Variants in PPP2R1B observed in about 807,000 individuals in gnomAD.
PPP2R1B encodes protein phosphatase 2 scaffold subunit Abeta.
Under a neutral mutation model 72.7 loss-of-function variants are expected in PPP2R1B, and 58 were observed. That is an observed-to-expected ratio of 0.80 (90% confidence interval 0.65 to 0.99). The LOEUF is 0.99. Among genes scored for constraint, PPP2R1B ranks in the 50% least tolerant of loss-of-function variants. PPP2R1B has a pLI of 0.00. For missense variants in PPP2R1B, 695 were observed against 733.6 expected, an observed-to-expected ratio of 0.95 and a Z score of 0.61; for synonymous variants, 256 against 264.6, an observed-to-expected ratio of 0.97 and a Z score of 0.32.
At chr11:111,742,303 A>AATGATAAG in intron 13 of PPP2R1B, 159 bp from the exon 14 acceptor site, 1 of 606,246 alleles carries the variant, frequency 1.6e-6, no homozygotes, top group Non-Finnish European at 2.5e-6. Context: ...AGAAATTCTC[A>AATGATAAG]GCAAAATCAG....
At chr11:111,724,263 T>A, downstream of PPP2R1B, 1 of 1,283,896 alleles carries the variant, frequency 7.8e-7, no homozygotes. Flanking sequence ...CCAACTGGAA[T>A]CAGAGGGTCT....
downstream of PPP2R1B, chr11:111,722,815 T>A: frequency 6.8e-7 from 1 of 1,468,150 alleles, no homozygotes; most frequent in Non-Finnish European, 9.5e-7. This position sits in a 1 kb window ranked among gnomAD's most constrained non-coding sequence, Gnocchi z 4.4. Flanking sequence ...TTGAGAACAC[T>A]GAATGTGTTG....
chr11:111,707,874 C>G, the PPP2R1B span, among the ~76,000 whole-genome samples: 1 of 152,180 alleles, frequency 6.6e-6, no homozygotes, highest in African/African-American at 2.4e-5. Flanking sequence ...TCGGGCAAGT[C>G]AGCGTCTCTG....
intron 10 of PPP2R1B, among the ~76,000 whole-genome samples, chr11:111,749,437 C>T (rs1396074855): frequency 4.6e-5 from 7 of 152,038 alleles, no homozygotes; most frequent in Middle Eastern, 3.4e-3. Context: ...CAGGCACCCA[C>T]CACCACACCC....
downstream of PPP2R1B, chr11:111,737,583 C>G (rs1222329051): frequency 1.2e-6 from 2 of 1,614,066 alleles, no homozygotes; most frequent in East Asian, 2.2e-5. Flanking sequence ...GAGACACAGA[C>G]AGTGGCGCTG....
chr11:111,746,206 A>C (rs1404084762), intron 11 of PPP2R1B, among the ~76,000 whole-genome samples: 1 of 152,236 alleles, frequency 6.6e-6, no homozygotes. Flanking sequence ...AAAGCATAGA[A>C]TGACTTGAGG....
chr11:111,755,258 G>C lies in PPP2R1B; in HGVS notation c.843+37C>G. 4 of 1,572,606 alleles carry C rather than the reference G, an allele frequency of 2.5e-6. 1 individual carries two copies. The Middle Eastern group carries it at 5.1e-4, about 202-fold the overall frequency. The stretch of plus-strand genomic sequence containing the variant: ...ACAACAGCAAATCTATGTGTTTTCA[G>C]GTTTATTTCCTTAGTACTTAAAAAT... On this transcript the variant is annotated intron_variant, in intron 6 of 14. Transcript: ENST00000527614.
At chr11:111,695,768 G>C in the PPP2R1B span, among the ~76,000 whole-genome samples, 1 of 152,142 alleles carries the variant, frequency 6.6e-6, no homozygotes, top group Non-Finnish European at 1.5e-5. Flanking sequence ...CCAACAAACA[G>C]AATTCTCCAT....
chr11:111,760,003 CT>C lies in PPP2R1B; in HGVS notation c.540-53del, dbSNP rs782150868. On this transcript the variant is annotated intron_variant, in intron 4 of 14. Coordinates refer to ENST00000527614, the MANE Select transcript of PPP2R1B (RefSeq NM_002716.5). ...TCCCATCAAATAACACTGAATAAAC[CT>C]GCCCCCCATACACACAGACAGACTT... 7.7e-4 allele frequency: 1,212 copies of C among 1,569,262 alleles called. 20 individuals are homozygous for C. The highest frequency in any genetic ancestry group is 1.4e-4 in the Non-Finnish European group (161 of 1,148,590).
Position 111,738,153 on chromosome 11 carries a change from C to CA in PPP2R1B, c.*3442dup. The CA allele has an allele frequency of 1.0e-6, 1 of 987,142 alleles. No individual in the cohort carries two copies. The highest frequency in any genetic ancestry group is 1.2e-6 in the Non-Finnish European group (1 of 830,984). The allele number at this position is 987,142 out of a possible 1,614,324, so 61.1% of individuals were successfully genotyped here. A position where few individuals can be genotyped will look rare whatever the true frequency, so the allele number is the denominator to read the frequency against. ...GGAATACTGGAGAATCAAAGGGAAACAGTTACATCACATCAGACTGCAGTC... is the reference window on the plus strand; with the variant it reads ...GGAATACTGGAGAATCAAAGGGAAACAAGTTACATCACATCAGACTGCAGTC... On this transcript the variant is annotated 3_prime_UTR_variant, in exon 15 of 15. Coordinates refer to ENST00000527614, the MANE Select transcript of PPP2R1B (RefSeq NM_002716.5).
the PPP2R1B span, chr11:111,712,318 A>T: frequency 3.1e-6 from 5 of 1,614,200 alleles, no homozygotes; most frequent in Non-Finnish European, 4.2e-6. Context: ...CATTTCCAGC[A>T]TCTGGCTGTC....
At position 111,740,061 on chromosome 11, in the gene PPP2R1B, T is replaced by C. The variant is rs1028992754; in HGVS notation, c.*1535A>G. ...GGGCCTTCACTAAACAGAACAGGAC[T>C]TGTTAGATTTAAAAGAGGTTGTGAA... On this transcript the variant is annotated 3_prime_UTR_variant, in exon 15 of 15. Coordinates refer to ENST00000527614, the MANE Select transcript of PPP2R1B (RefSeq NM_002716.5). 9.1e-6 allele frequency: 9 copies of C among 985,266 alleles called. No individual in the cohort carries two copies. In the Admixed American group the frequency reaches 4.9e-4, roughly 54 times the overall value. 61.0% of individuals were successfully genotyped at this position (985,266 alleles called of 1,614,324 possible).
the PPP2R1B span, among the ~76,000 whole-genome samples, chr11:111,692,065 G>C: frequency 2.0e-5 from 3 of 152,006 alleles, no homozygotes; most frequent in Non-Finnish European, 4.4e-5. Context: ...AAGAAAGAGG[G>C]AGAGGCCAGG....
At chr11:111,754,463 A>T (rs201085295) in intron 8 of PPP2R1B, 36 bp downstream of exon 8, 529 of 1,583,426 alleles carry the variant, frequency 3.3e-4, no homozygotes, top group Admixed American at 5.4e-4. Context: ...TTACCTTCAT[A>T]TAAAAGAGAG....
the PPP2R1B span, among the ~76,000 whole-genome samples, chr11:111,710,842 A>G: frequency 6.6e-6 from 1 of 152,190 alleles, no homozygotes; most frequent in Non-Finnish European, 1.5e-5. Context: ...CTAGAATCTC[A>G]TACCATTTTG....
chr11:111,716,407 A>G, the PPP2R1B span, among the ~76,000 whole-genome samples: 18 of 139,980 alleles, frequency 1.3e-4, no homozygotes, highest in Non-Finnish European at 1.3e-4. Flanking sequence ...CAAAACCCCA[A>G]CTCTACTAAA....
the PPP2R1B span, among the ~76,000 whole-genome samples, chr11:111,717,616 C>G: frequency 6.6e-6 from 1 of 152,148 alleles, no homozygotes; most frequent in East Asian, 1.9e-4. Context: ...GAATGTAAAT[C>G]ATTCTATTAT....
At position 111,741,623 on chromosome 11, in the gene PPP2R1B, C is replaced by T; in HGVS notation, c.1790-11G>A. 3 of 1,613,174 alleles carry T rather than the reference C, an allele frequency of 1.9e-6. No individual in the cohort carries two copies. Among genetic ancestry groups the T allele is most frequent in the Non-Finnish European group, 2.5e-6 (3 of 1,179,798 alleles). On this transcript the variant is annotated splice_polypyrimidine_tract_variant and intron_variant, in intron 14 of 14. Coordinates refer to ENST00000527614, the MANE Select transcript of PPP2R1B (RefSeq NM_002716.5). ...ATGCCAATGCAAGAACTGGAAAATT[C>T]CAAACAAAATCAGGTTAGTGGTACA...
the PPP2R1B span, among the ~76,000 whole-genome samples, chr11:111,705,451 T>C: frequency 6.6e-6 from 1 of 152,246 alleles, no homozygotes; most frequent in African/African-American, 2.4e-5. This position sits in a 1 kb window ranked among gnomAD's most constrained non-coding sequence, Gnocchi z 4.3. Context: ...GCTTCTATTC[T>C]TAGGCACTGT....
Sources: gnomAD v4.1 joint callset for allele counts (sites outside exome capture counted in the v4.1 genomes callset) on GRCh38, gnomAD v4.1.1 for gene constraint, Gnocchi (gnomAD v3.1) non-coding constraint, MANE v1.5 for transcripts, NCBI Gene and HGNC (gene_info 2026-07-23, HGNC 2026-07-21) for gene names.